The following CYC1 variants were observed in gnomAD, a reference collection of about 807,000 sequenced individuals.
CYC1 encodes cytochrome c1, also known as cytochrome c1, heme protein, mitochondrial.
A neutral mutation model predicts 33.8 loss-of-function variants in CYC1; 10 were observed. That is an observed-to-expected ratio of 0.30 (90% CI 0.18 to 0.50). The LOEUF (loss-of-function observed/expected upper bound fraction) is 0.50. Among genes scored for constraint, CYC1 ranks in the 20% least tolerant of loss-of-function variants. CYC1 has a pLI of 0.98. For missense variants in CYC1, 459 were observed against 437.6 expected (o/e 1.05, Z -0.44); for synonymous variants, 224 against 181.9 (o/e 1.23, Z -1.86).
Position 144,095,104 on chromosome 8 carries a change from C to G in CYC1, c.5C>G (p.Ala2Gly). 1.7e-6 allele frequency: 2 copies of G among 1,208,994 alleles called. No individual in the cohort carries two copies. The highest frequency in any genetic ancestry group is 2.1e-6 in the Non-Finnish European group (2 of 971,822). 74.9% of individuals were successfully genotyped at this position (1,208,994 alleles called of 1,614,324 possible). A position where few individuals can be genotyped will look rare whatever the true frequency, so the allele number is the denominator to read the frequency against. ...GGCCGCGCGGAGGAGGCCAAGATGG[C>G]GGCAGCTGCGGCTTCGCTTCGCGGG... M[A>G]AAAASLRGVV... The change falls in exon 1 of 7, where the codon GCG becomes GGG. Residue 2 changes from alanine (A) to glycine (G), a missense_variant. Transcript: ENST00000318911.
chr8:144,096,969 G>C, intron 5 of CYC1, 65 bp from the exon 6 acceptor site: 1 of 1,395,594 alleles, frequency 7.2e-7, no homozygotes, highest in Middle Eastern at 1.9e-4. Context: ...GCTTCACAGA[G>C]GGGGGGCATG....
At position 144,096,644 on chromosome 8, in the gene CYC1, G is replaced by A. The variant is rs1226158994; in HGVS notation, c.672G>A (p.Gly224=). 1 of 1,614,018 alleles carries A rather than the reference G, an allele frequency of 6.2e-7. No homozygotes were observed. Among genetic ancestry groups the A allele is most frequent in the Admixed American group, 1.7e-5 (1 of 60,010 alleles). Residue 224 remains glycine, a synonymous_variant, in exon 5 of 7, where the codon GGG becomes GGA. Transcript: ENST00000318911. The part of the protein sequence containing the change: ...LLTGYCEPPT[G]VSLREGLYFN... ...CGGGCTACTGCGAGCCACCCACCGG[G>A]GTGTCACTGCGGGAAGGTCTCTACT...
intron 5 of CYC1, 67 bp from the exon 6 acceptor site, chr8:144,096,967 G>C: frequency 2.1e-6 from 3 of 1,399,490 alleles, no homozygotes; most frequent in Non-Finnish European, 3.0e-6. Context: ...CTGCTTCACA[G>C]AGGGGGGGCA....
rs1383486466 is a variant in CYC1 at position 144,095,915 on chromosome 8, G to A, written c.212G>A (p.Gly71Asp). 9.9e-6 allele frequency: 16 copies of A among 1,609,266 alleles called. No homozygotes were observed. The highest frequency in any genetic ancestry group is 1.4e-5 in the Non-Finnish European group (16 of 1,179,882). Residue 71 changes from glycine to aspartate, a missense_variant, in exon 2 of 7, where the codon GGT becomes GAT. Physicochemically the swap from Gly to Asp is moderately conservative, Grantham distance 94. Coordinates refer to ENST00000318911, the MANE Select transcript of CYC1 (RefSeq NM_001916.5). ...GCGCTGGGCATGCTGGCGGCAGGGG[G>A]TGCGGGGCTGGCCATGGCTCTGCAT... ...LSALGMLAAG[G>D]AGLAMALHSA...
rs1167961353 is a variant in CYC1, at chr8:144,096,354, C to G, written c.471C>G (p.Gly157=). The part of the protein sequence containing the change: ...ELAAEVEVQD[G]PNEDGEMFMR... ...GGTGGCAGGTGGAGGTTCAAGACGG[C>G]CCCAATGAAGATGGGGAGATGTTCA... The change falls in exon 4 of 7, where the codon GGC becomes GGG. Residue 157 remains glycine (G), a synonymous_variant. Coordinates refer to ENST00000318911, the MANE Select transcript of CYC1 (RefSeq NM_001916.5). 3 of 1,613,784 alleles carry G rather than the reference C, an allele frequency of 1.9e-6. No homozygotes were observed. The South Asian group carries it at 3.3e-5, about 18-fold the overall frequency.
In CYC1 at chr8:144,096,113, C is replaced by CCT. The variant is rs1554765402; in HGVS notation, c.327-9_327-8dup. 7 of 1,611,236 alleles carry CCT rather than the reference C, an allele frequency of 4.3e-6. No individual in the cohort carries two copies. The highest frequency in any genetic ancestry group is 5.9e-6 in the Non-Finnish European group (7 of 1,179,288). ...AATCTTCAGCTTTCCTAACCCTTTCCCTCCCTCCAGCATCCGGAGGGGTTT... is the reference window on the plus strand; with the variant it reads ...AATCTTCAGCTTTCCTAACCCTTTCCCTCTCCCTCCAGCATCCGGAGGGGTTT... On this transcript the variant is annotated splice_polypyrimidine_tract_variant and intron_variant, in intron 2 of 6. Coordinates refer to ENST00000318911, the MANE Select transcript of CYC1 (RefSeq NM_001916.5).
At position 144,097,499 on chromosome 8, in the gene CYC1, T is replaced by A; in HGVS notation, c.*163T>A. The A allele has an allele frequency of 1.7e-6, 1 of 604,862 alleles. No homozygotes were observed. Among genetic ancestry groups the A allele is most frequent in the South Asian group, 2.0e-5 (1 of 50,746 alleles). The allele number at this position is 604,862 out of a possible 1,614,324, so 37.5% of individuals were successfully genotyped here. A position where few individuals can be genotyped will look rare whatever the true frequency, so the allele number is the denominator to read the frequency against. On this transcript the variant is annotated 3_prime_UTR_variant, in exon 7 of 7. Transcript: ENST00000318911. ...CTGGGCCCTCCTTCAGCCCCCATCA[T>A]GGGAATAAATTAATTTTCTCAATGT...
intron 5 of CYC1, 127 bp from the exon 6 acceptor site, chr8:144,096,905 GTA>G: frequency 8.6e-7 from 1 of 1,156,330 alleles, no homozygotes; most frequent in Non-Finnish European, 1.3e-6. Context: ...TCAGTTTTGC[GTA>G]TGTCCGGTGG....
At position 144,096,734 on chromosome 8, in the gene CYC1, G is replaced by T; in HGVS notation, c.762G>T (p.Glu254Asp). ...MAPPIYTDVLEFDDGTPATMS... is the reference protein window; with the variant it reads ...MAPPIYTDVLDFDDGTPATMS... ...CTCCCATCTACACAGATGTCTTAGA[G>T]TTTGACGATGGTAAGAGGCCTCCAG... The change falls in exon 5 of 7, where the codon GAG becomes GAT. Residue 254 changes from glutamate to aspartate, a missense_variant. Physicochemically the swap from Glu to Asp is conservative, Grantham distance 45. Coordinates refer to ENST00000318911, the MANE Select transcript of CYC1 (RefSeq NM_001916.5). The T allele has an allele frequency of 6.2e-7, 1 of 1,608,830 alleles. No individual in the cohort carries two copies. Among genetic ancestry groups the T allele is most frequent in the South Asian group, 1.1e-5 (1 of 90,890 alleles).
rs756254049 is a variant in CYC1 at position 144,095,972 on chromosome 8, A to AC, written c.276dup (p.Ser93GlnfsTer26). 45 of 1,605,870 alleles carry AC rather than the reference A, an allele frequency of 2.8e-5. No individual in the cohort carries two copies. The highest frequency in any genetic ancestry group is 5.0e-5 in the Admixed American group (3 of 59,738). ...GTGAGTGCCAGTGACCTGGAGCTGC[A>AC]CCCCCCCAGCTATCCGTGGTCTCAC... On this transcript the variant is annotated frameshift_variant, in exon 2 of 7. Transcript: ENST00000318911. LOFTEE classifies it high-confidence loss of function.
In CYC1 at chr8:144,096,329, G is replaced by C. The variant is rs762884681; in HGVS notation, c.454-8G>C. On this transcript the variant is annotated splice_region_variant and splice_polypyrimidine_tract_variant and intron_variant, in intron 3 of 6. Transcript: ENST00000318911. ...ATGGCAGGGTTGTGATGAGGCTCTCGGTGGCAGGTGGAGGTTCAAGACGGC... is the reference window on the plus strand; with the variant it reads ...ATGGCAGGGTTGTGATGAGGCTCTCCGTGGCAGGTGGAGGTTCAAGACGGC... 6.2e-7 allele frequency: 1 copy of C among 1,613,390 alleles called. No individual in the cohort carries two copies. Among genetic ancestry groups the C allele is most frequent in the South Asian group, 1.1e-5 (1 of 91,068 alleles).
intron 1 of CYC1, 56 bp from the exon 2 acceptor site, chr8:144,095,777 G>T: frequency 2.5e-6 from 4 of 1,573,318 alleles, no homozygotes; most frequent in Non-Finnish European, 3.4e-6. Context: ...CTGAGAGTCA[G>T]ATCCCCAGGT....
intron 2 of CYC1, 24 bp from the exon 3 acceptor site, chr8:144,096,100 T>G (rs750664658): frequency 6.2e-7 from 1 of 1,609,812 alleles, no homozygotes; most frequent in Non-Finnish European, 8.5e-7. Context: ...TCTTCAGCTT[T>G]CCTAACCCTT....
At chr8:144,095,310 C>T (rs1836127350) in intron 1 of CYC1, 82 bp downstream of exon 1, 2 of 1,134,114 alleles carry the variant, frequency 1.8e-6, no homozygotes, top group East Asian at 3.8e-5. Flanking sequence ...GGGCGCGGGC[C>T]TGGGCAGCGC....
chr8:144,097,201 A>G (rs1564311572), intron 6 of CYC1, 31 bp from the exon 7 acceptor site: 3 of 1,609,436 alleles, frequency 1.9e-6, no homozygotes, highest in East Asian at 4.5e-5. Context: ...GCTCCTCCCC[A>G]CTCCCTTCTC....
In CYC1 at chr8:144,095,930, T is replaced by C. The variant is rs144257411; in HGVS notation, c.227T>C (p.Met76Thr). 5.1e-3 allele frequency: 8,256 copies of C among 1,608,370 alleles called. 25 individuals carry two copies. Among genetic ancestry groups the C allele is most frequent in the Non-Finnish European group, 6.3e-3 (7,376 of 1,179,844 alleles). The stretch of plus-strand genomic sequence containing the variant: ...GCGGCAGGGGGTGCGGGGCTGGCCA[T>C]GGCTCTGCATTCGGCTGTGAGTGCC... ...MLAAGGAGLAMALHSAVSASD... is the reference protein window; with the variant it reads ...MLAAGGAGLATALHSAVSASD... The change falls in exon 2 of 7, where the codon ATG becomes ACG. Residue 76 changes from methionine to threonine, a missense_variant. Coordinates refer to ENST00000318911, the MANE Select transcript of CYC1 (RefSeq NM_001916.5).
chr8:144,096,882 CT>C, intron 5 of CYC1, 138 bp downstream of exon 5: 1 of 1,216,122 alleles, frequency 8.2e-7, no homozygotes, highest in Non-Finnish European at 1.2e-6. Flanking sequence ...TCTCAGGAGG[CT>C]TTTGGGCTCC....
In CYC1 at chr8:144,095,082, C is replaced by G; in HGVS notation, c.-18C>G. ...CCCAGGGGCCGACGGGAGTGGCGGC[C>G]GCGCGGAGGAGGCCAAGATGGCGGC... On this transcript the variant is annotated 5_prime_UTR_variant, in exon 1 of 7. Transcript: ENST00000318911. 8.3e-7 allele frequency: 1 copy of G among 1,205,998 alleles called. No homozygotes were observed. Among genetic ancestry groups the G allele is most frequent in the Non-Finnish European group, 1.0e-6 (1 of 970,136 alleles). 74.7% of individuals were successfully genotyped at this position (1,205,998 alleles called of 1,614,324 possible).
At chr8:144,095,354 C>A in intron 1 of CYC1, 126 bp downstream of exon 1, 1 of 840,854 alleles carries the variant, frequency 1.2e-6, no homozygotes, top group Non-Finnish European at 1.6e-6. Flanking sequence ...GTCCCCGGTC[C>A]CAGCTGCCTG....
Sources: allele counts gnomAD v4.1 joint callset, GRCh38; gene constraint gnomAD v4.1.1; transcripts MANE v1.5; gene names NCBI Gene and HGNC (gene_info 2026-07-23, HGNC 2026-07-21).